Variants in MAGI3 observed in about 807,000 individuals in gnomAD.
MAGI3 encodes membrane-associated guanylate kinase, WW and PDZ domain-containing protein 3.
Under a neutral mutation model 121.8 loss-of-function variants are expected in MAGI3, and 43 were observed. The observed-to-expected ratio is 0.35, with a 90% CI of 0.28 to 0.46. The LOEUF is 0.46. MAGI3 is among the 20% of genes least tolerant of loss of function. The pLI is 1.00. For missense variants in MAGI3, 1,547 were observed against 1,797.3 expected (o/e 0.86, Z 2.52); for synonymous variants, 553 against 639.3 (o/e 0.86, Z 2.04).
rs1328271157 is a variant in MAGI3 at position 113,503,326 on chromosome 1, A to G, written c.317-46189A>G. On this transcript the variant is annotated intron_variant, in intron 1 of 20. Coordinates refer to ENST00000307546, the MANE Select transcript of MAGI3 (RefSeq NM_001142782.2). ...TGTCTCAGGAAAAAAAAAAAAAAAA[A>G]AAAAAAAGGCTTAATTGATTGAACC... Among the ~76,000 whole-genome samples, 262 of 147,672 alleles carry G rather than the reference A, an allele frequency of 1.8e-3. 13 individuals carry two copies. The highest frequency in any genetic ancestry group is 0.015 in the Admixed American group (225 of 14,660).
chr1:113,585,341 C>T (rs780095035), intron 3 of MAGI3, 46 bp from the exon 4 acceptor site: 1 of 1,561,296 alleles, frequency 6.4e-7, no homozygotes, highest in Non-Finnish European at 8.8e-7. Context: ...TGCTCTGACT[C>T]TCACTGCAAC....
At chr1:113,415,264 G>A (rs1227875745) in intron 1 of MAGI3, among the ~76,000 whole-genome samples, 2 of 152,132 alleles carry the variant, frequency 1.3e-5, no homozygotes, top group African/African-American at 2.4e-5. Context: ...AGGAAAGTAG[G>A]AATGTTGGGT....
At chr1:113,424,319 G>C (rs10458458) in intron 1 of MAGI3, among the ~76,000 whole-genome samples, 23,067 of 151,358 alleles carry the variant, frequency 0.15, 2,778 homozygotes, top group East Asian at 0.63. Flanking sequence ...GTAGGTTTGT[G>C]TATCTAGCAC....
At position 113,431,599 on chromosome 1, in the gene MAGI3, A is replaced by T. The variant is rs1653301704; in HGVS notation, c.316+40250A>T. Among the ~76,000 whole-genome samples, 3 of 152,188 alleles carry T rather than the reference A, an allele frequency of 2.0e-5. No individual in the cohort carries two copies. In the South Asian group the frequency reaches 6.2e-4, roughly 31 times the overall value. Reference sequence around the variant, plus strand: ...TTAAGTAAACCTAAAACCAAAATCTATTTTAAAAAAGACAATATTTATAAT... The same window carrying T: ...TTAAGTAAACCTAAAACCAAAATCTTTTTTAAAAAAGACAATATTTATAAT... On this transcript the variant is annotated intron_variant, in intron 1 of 20. Transcript: ENST00000307546.
chr1:113,550,091 G>A (rs1381279996), intron 2 of MAGI3, among the ~76,000 whole-genome samples: 3 of 148,586 alleles, frequency 2.0e-5, no homozygotes, highest in Non-Finnish European at 4.5e-5. Flanking sequence ...ACTCCAGCCT[G>A]GGTGACAGAG....
intron 20 of MAGI3, chr1:113,682,617 T>TA (rs1452643866): frequency 1.0e-6 from 1 of 983,626 alleles, no homozygotes; most frequent in Non-Finnish European, 1.2e-6. Flanking sequence ...GCTTTACTAA[T>TA]AGAGAATTTA....
intron 1 of MAGI3, among the ~76,000 whole-genome samples, chr1:113,401,903 A>T (rs1557736219): frequency 6.6e-6 from 1 of 152,198 alleles, no homozygotes; most frequent in Admixed American, 6.6e-5. Flanking sequence ...AGGCAGGTAA[A>T]GCAGGTTGTG....
At chr1:113,394,297 T>C (rs1487077287) in intron 1 of MAGI3, among the ~76,000 whole-genome samples, 1 of 152,214 alleles carries the variant, frequency 6.6e-6, no homozygotes, top group Non-Finnish European at 1.5e-5. Context: ...ATTGTTTTAG[T>C]GTAGTACTTA....
intron 1 of MAGI3, among the ~76,000 whole-genome samples, chr1:113,494,752 T>C (rs1343626645): frequency 1.3e-5 from 2 of 152,194 alleles, no homozygotes; most frequent in African/African-American, 4.8e-5. Context: ...TAGTTAGGGC[T>C]CTTTTCCCTT....
intron 1 of MAGI3, among the ~76,000 whole-genome samples, chr1:113,411,645 T>G (rs748345936): frequency 1.3e-5 from 2 of 152,034 alleles, no homozygotes; most frequent in Non-Finnish European, 1.5e-5. Flanking sequence ...AAACAAAACT[T>G]ACTCGCTTCT....
At chr1:113,659,625 G>A (rs1653676165) in intron 16 of MAGI3, among the ~76,000 whole-genome samples, 1 of 152,170 alleles carries the variant, frequency 6.6e-6, no homozygotes, top group African/African-American at 2.4e-5. Flanking sequence ...TTCAAAGAAA[G>A]TCACTGTTGA....
In MAGI3 at chr1:113,539,521, C is replaced by T. The variant is rs559649378; in HGVS notation, c.317-9994C>T. The stretch of plus-strand genomic sequence containing the variant: ...AAGAATGAGTTTGTTTTATGTGTGT[C>T]GCTTACATTTTTTTTAATTAATTAA... On this transcript the variant is annotated intron_variant, in intron 1 of 20. Transcript: ENST00000307546. Among the ~76,000 whole-genome samples, 10 of 150,992 alleles carry T rather than the reference C, an allele frequency of 6.6e-5. No homozygotes were observed. The East Asian group carries it at 1.2e-3, about 17-fold the overall frequency.
At chr1:113,639,230 G>T (rs1015467112) in intron 9 of MAGI3, among the ~76,000 whole-genome samples, 13 of 152,212 alleles carry the variant, frequency 8.5e-5, no homozygotes, top group Non-Finnish European at 1.6e-4. Flanking sequence ...CACACGGTGC[G>T]CTGCACCCAC....
At chr1:113,413,805 C>T (rs993285531) in intron 1 of MAGI3, among the ~76,000 whole-genome samples, 1 of 151,854 alleles carries the variant, frequency 6.6e-6, no homozygotes, top group Admixed American at 6.6e-5. Flanking sequence ...TTCTAAATAT[C>T]CAATCATGTC....
intron 2 of MAGI3, among the ~76,000 whole-genome samples, chr1:113,568,865 A>G (rs1474609286): frequency 6.6e-6 from 1 of 152,132 alleles, no homozygotes; most frequent in Non-Finnish European, 1.5e-5. Flanking sequence ...ATATCTCCAT[A>G]GCTTTAGGAA....
chr1:113,663,630 TCTACTA>T (rs1195562250), intron 16 of MAGI3, among the ~76,000 whole-genome samples: 2 of 152,236 alleles, frequency 1.3e-5, no homozygotes, highest in Non-Finnish European at 2.9e-5. Context: ...TTCAGTTGTT[TCTACTA>T]CTGTGAATAA....
intron 1 of MAGI3, among the ~76,000 whole-genome samples, chr1:113,468,226 T>C (rs1325321363): frequency 6.6e-6 from 1 of 152,232 alleles, no homozygotes; most frequent in Admixed American, 6.5e-5. Context: ...GTGTTATTAT[T>C]AATATATAGT....
chr1:113,547,551 G>T (rs888034995), intron 1 of MAGI3, among the ~76,000 whole-genome samples: 1 of 152,062 alleles, frequency 6.6e-6, no homozygotes, highest in Non-Finnish European at 1.5e-5. Context: ...ACTATATAGC[G>T]ATCTACGAAA....
At chr1:113,548,291 G>A (rs1400948395) in intron 1 of MAGI3, among the ~76,000 whole-genome samples, 5 of 152,150 alleles carry the variant, frequency 3.3e-5, no homozygotes, top group African/African-American at 1.2e-4. Flanking sequence ...ACTGTTTGGA[G>A]TTTCATTTTA....
Sources: gnomAD v4.1 joint callset for allele counts (sites outside exome capture counted in the v4.1 genomes callset) on GRCh38, gnomAD v4.1.1 for gene constraint, MANE v1.5 for transcripts, NCBI Gene and HGNC (gene_info 2026-07-23, HGNC 2026-07-21) for gene names.